Variants in ANXA5 observed in about 807,000 individuals in gnomAD.
The protein encoded by ANXA5 is CBP-I.
A neutral mutation model predicts 48.1 loss-of-function variants in ANXA5; 40 were observed. The observed-to-expected ratio is 0.83, with a 90% CI of 0.65 to 1.08. The LOEUF (loss-of-function observed/expected upper bound fraction) is 1.08. Among genes scored for constraint, ANXA5 ranks in the 50% least tolerant of loss-of-function variants. The probability of loss-of-function intolerance (pLI) is 0.00; values close to 1 mark genes in which losing one functional copy is unlikely to be tolerated. For synonymous variants in ANXA5, 113 were observed against 129.1 expected (o/e 0.88, Z 0.85); for missense variants, 357 against 376.8 (o/e 0.95, Z 0.44).
At chr4:121,695,610 T>C (rs937440869) in intron 2 of ANXA5, among the ~76,000 whole-genome samples, 4 of 152,208 alleles carry the variant, frequency 2.6e-5, no homozygotes, top group South Asian at 2.1e-4. Flanking sequence ...TCCTACATTT[T>C]TGATAAACAT....
rs180819829 is a variant in ANXA5, at chr4:121,696,880, A to C, written c.-53T>G. The C allele has an allele frequency of 1.4e-3, 462 of 318,958 alleles. 3 individuals carry two copies. Among genetic ancestry groups the C allele is most frequent in the African/African-American group, 9.2e-3 (428 of 46,638 alleles). 19.8% of individuals were successfully genotyped at this position (318,958 alleles called of 1,614,324 possible). ...CCACTCACCCAGACTGTGGGACCCA[A>C]GTGCCCCGAAACCCCGGGAGAGCGG... is the stretch of plus-strand genomic sequence containing the variant. On this transcript the variant is annotated 5_prime_UTR_variant, in exon 1 of 13. Coordinates refer to ENST00000296511, the MANE Select transcript of ANXA5 (RefSeq NM_001154.4).
intron 6 of ANXA5, among the ~76,000 whole-genome samples, chr4:121,678,998 CT>C (rs1303456583): frequency 6.6e-6 from 1 of 152,126 alleles, no homozygotes; most frequent in Non-Finnish European, 1.5e-5. Context: ...GTAGGCCCCC[CT>C]CCCACCTCTA....
intron 8 of ANXA5, among the ~76,000 whole-genome samples, chr4:121,674,407 G>T (rs751838189): frequency 1.8e-4 from 28 of 152,082 alleles, no homozygotes; most frequent in South Asian, 4.1e-4. Flanking sequence ...TCCTGAGGGT[G>T]CTAGTTACTA....
At position 121,669,691 on chromosome 4, in the gene ANXA5, C is replaced by T. The variant is rs146496147; in HGVS notation, c.814G>A (p.Val272Ile). Residue 272 changes from valine to isoleucine, a missense_variant, in exon 12 of 13, where the codon GTC becomes ATC. Val to Ile is a conservative substitution (Grantham distance 29). Coordinates refer to ENST00000296511, the MANE Select transcript of ANXA5 (RefSeq NM_001154.4). Reference protein sequence around the residue: ...AGTDDHTLIRVMVSRSEIDLF... With the variant: ...AGTDDHTLIRIMVSRSEIDLF... Reference sequence around the variant, plus strand: ...TCAATCTCACTCCTGGAAACCATGACTCTGATGAGGGTATGATCATCTGTC... The same window carrying T: ...TCAATCTCACTCCTGGAAACCATGATTCTGATGAGGGTATGATCATCTGTC... 29 of 1,611,020 alleles carry T rather than the reference C, an allele frequency of 1.8e-5. No homozygotes were observed. In the African/African-American group the frequency reaches 3.9e-4, roughly 22 times the overall value.
chr4:121,694,330 G>A (rs987930290), intron 2 of ANXA5, among the ~76,000 whole-genome samples: 5 of 151,858 alleles, frequency 3.3e-5, no homozygotes, highest in Non-Finnish European at 7.4e-5. Flanking sequence ...GAACAATTAC[G>A]TAGCCTAGTT....
At chr4:121,683,341 T>C (rs11942224) in intron 5 of ANXA5, 23 bp downstream of exon 5, 88,412 of 1,423,918 alleles carry the variant, frequency 0.062, 4,116 homozygotes, top group African/African-American at 0.2. Flanking sequence ...TGCAAGAATG[T>C]TCCTTTCACT....
In ANXA5 at chr4:121,695,562, C is replaced by G. The variant is rs149836137; in HGVS notation, c.9+1019G>C. ...ATCTTATTCACAAAAGACTGTATAA[C>G]ATGGTCAATATTTAAAGACCTTAAA... On this transcript the variant is annotated intron_variant, in intron 2 of 12. Transcript: ENST00000296511. Among the ~76,000 whole-genome samples, 727 of 152,270 alleles carry G rather than the reference C, an allele frequency of 4.8e-3. 9 individuals carry two copies. Among genetic ancestry groups the G allele is most frequent in the African/African-American group, 0.016 (649 of 41,556 alleles).
chr4:121,676,848 G>A (rs1724707128), intron 8 of ANXA5, among the ~76,000 whole-genome samples: 1 of 152,116 alleles, frequency 6.6e-6, no homozygotes. Flanking sequence ...AGATAACAAA[G>A]GGGCTTGTAA....
In ANXA5 at chr4:121,696,880, A is replaced by G. The variant is rs180819829; in HGVS notation, c.-53T>C. 9.4e-6 allele frequency: 3 copies of G among 318,846 alleles called. No individual in the cohort carries two copies. The highest frequency in any genetic ancestry group is 1.0e-4 in the Admixed American group (2 of 20,080). 19.8% of individuals were successfully genotyped at this position (318,846 alleles called of 1,614,324 possible). On this transcript the variant is annotated 5_prime_UTR_variant, in exon 1 of 13. Coordinates refer to ENST00000296511, the MANE Select transcript of ANXA5 (RefSeq NM_001154.4). ...CCACTCACCCAGACTGTGGGACCCA[A>G]GTGCCCCGAAACCCCGGGAGAGCGG...
At chr4:121,685,975 A>C (rs1457466754) in intron 3 of ANXA5, among the ~76,000 whole-genome samples, 1 of 151,916 alleles carries the variant, frequency 6.6e-6, no homozygotes, top group Non-Finnish European at 1.5e-5. Context: ...ACAGCTCTGA[A>C]TGCAGCCTAA....
chr4:121,671,499 G>T, intron 10 of ANXA5, 48 bp downstream of exon 10: 2 of 1,363,380 alleles, frequency 1.5e-6, no homozygotes, highest in Non-Finnish European at 2.1e-6. Context: ...TGAATAAAAT[G>T]CTTTAGCTCT....
intron 3 of ANXA5, 115 bp downstream of exon 3, chr4:121,686,173 C>G: frequency 2.5e-6 from 2 of 784,556 alleles, no homozygotes; most frequent in East Asian, 5.5e-5. Flanking sequence ...CTTAACATAT[C>G]TCTTCTCCTA....
chr4:121,692,523 T>C (rs1429073730), intron 2 of ANXA5, among the ~76,000 whole-genome samples: 1 of 152,216 alleles, frequency 6.6e-6, no homozygotes, highest in Non-Finnish European at 1.5e-5. Flanking sequence ...AATTGTTCCA[T>C]TGGGCATTCC....
At chr4:121,672,981 G>A (rs888723899) in intron 8 of ANXA5, among the ~76,000 whole-genome samples, 8 of 152,212 alleles carry the variant, frequency 5.3e-5, no homozygotes, top group African/African-American at 1.9e-4. Flanking sequence ...TCCATGTATA[G>A]ACTGGGAAAG....
intron 3 of ANXA5, among the ~76,000 whole-genome samples, chr4:121,685,408 A>G (rs189019800): frequency 6.6e-6 from 1 of 152,200 alleles, no homozygotes; most frequent in African/African-American, 2.4e-5. Flanking sequence ...GGTGACACCC[A>G]CAAGTATTGA....
At chr4:121,682,889 C>T (rs1392176152) in intron 5 of ANXA5, among the ~76,000 whole-genome samples, 2 of 152,038 alleles carry the variant, frequency 1.3e-5, no homozygotes, top group Non-Finnish European at 2.9e-5. Flanking sequence ...GCAAGTTTAC[C>T]AGCTACTTCA....
At chr4:121,689,899 TA>T (rs2110490476) in intron 2 of ANXA5, among the ~76,000 whole-genome samples, 1 of 152,206 alleles carries the variant, frequency 6.6e-6, no homozygotes, top group East Asian at 1.9e-4. Flanking sequence ...AGGAACTACT[TA>T]GGGTGATTCT....
Position 121,669,604 on chromosome 4 carries a change from T to G in ANXA5, c.901A>C (p.Lys301Gln). 1 of 1,613,510 alleles carries G rather than the reference T, an allele frequency of 6.2e-7. No homozygotes were observed. Among genetic ancestry groups the G allele is most frequent in the South Asian group, 1.1e-5 (1 of 91,032 alleles). Reference sequence around the variant, plus strand: ...AATTTAAAGAAAGGTTCTACTACCTTAATCATGGAATAAAGAGAGGTGGCA... The same window carrying G: ...AATTTAAAGAAAGGTTCTACTACCTGAATCATGGAATAAAGAGAGGTGGCA... The part of the protein sequence containing the change: ...NFATSLYSMI[K>Q]GDTSGDYKKA... Residue 301 changes from lysine (K) to glutamine (Q), a missense_variant and splice_region_variant, in exon 12 of 13, where the codon AAG (lysine) becomes CAG (glutamine). Lys to Gln is a moderately conservative substitution (Grantham distance 53, BLOSUM62 1). Coordinates refer to ENST00000296511, the MANE Select transcript of ANXA5 (RefSeq NM_001154.4).
chr4:121,674,297 A>T (rs1724661681), intron 8 of ANXA5, among the ~76,000 whole-genome samples: 1 of 128,032 alleles, frequency 7.8e-6, no homozygotes, highest in Non-Finnish European at 1.7e-5. Flanking sequence ...GGGGAGGGTA[A>T]GGAAATGGGA....
Sources: allele counts gnomAD v4.1 joint callset (sites outside exome capture counted in the v4.1 genomes callset), GRCh38; gene constraint gnomAD v4.1.1; transcripts MANE v1.5; gene names NCBI Gene and HGNC (gene_info 2026-07-23, HGNC 2026-07-21).